HIVEP2: variants seen among roughly 807,000 people sequenced by gnomAD.
HIVEP2 encodes the protein transcription factor HIVEP2.
A neutral mutation model predicts 180.7 loss-of-function variants in HIVEP2; 14 were observed. The observed-to-expected ratio is 0.08, with a 90% confidence interval of 0.05 to 0.12. The LOEUF is 0.12. Among genes scored for constraint, HIVEP2 ranks in the 10% least tolerant of loss-of-function variants. HIVEP2 has a pLI of 1.00. For synonymous variants in HIVEP2, 1,184 were observed against 1,136.4 expected, an observed-to-expected ratio of 1.04 and a Z score of -0.84; for missense variants, 2,579 against 3,008.5, an observed-to-expected ratio of 0.86 and a Z score of 3.34.
chr6:142,910,870 T>A (rs1777385525), intron 1 of HIVEP2, among the ~76,000 whole-genome samples: 1 of 152,202 alleles, frequency 6.6e-6, no homozygotes, highest in South Asian at 2.1e-4. Context: ...GGGGCCTGAA[T>A]TTTTTAACGC....
rs755713862 is a variant in HIVEP2, at chr6:142,771,005, G to C, written c.3734C>G (p.Pro1245Arg). 6.2e-7 allele frequency: 1 copy of C among 1,614,192 alleles called. No homozygotes were observed. The highest frequency in any genetic ancestry group is 1.3e-5 in the African/African-American group (1 of 75,040). The change falls in exon 5 of 10, where the codon CCC becomes CGC. Residue 1245 changes from proline to arginine, a missense_variant. Pro to Arg is a moderately radical substitution (Grantham distance 103). Transcript: ENST00000367603. This position sits in a 1 kb window ranked among gnomAD's most constrained non-coding sequence, Gnocchi z 5.4. ...CGAATGGATTTCTGTCTGAAAAGAGGGCTTGCCATAGCTCTTCTGAGGGTG... is the reference window on the plus strand; with the variant it reads ...CGAATGGATTTCTGTCTGAAAAGAGCGCTTGCCATAGCTCTTCTGAGGGTG... ...AQHPQKSYGK[P>R]SFQTEIHSSY...
At chr6:142,851,846 A>G (rs1775687704) in intron 1 of HIVEP2, among the ~76,000 whole-genome samples, 1 of 152,228 alleles carries the variant, frequency 6.6e-6, no homozygotes, top group South Asian at 2.1e-4. Context: ...TCACTATTTG[A>G]GCTGGTATGA....
At chr6:142,886,134 T>C (rs1776692541) in intron 1 of HIVEP2, among the ~76,000 whole-genome samples, 1 of 152,212 alleles carries the variant, frequency 6.6e-6, no homozygotes, top group Non-Finnish European at 1.5e-5. Flanking sequence ...TTTACAGAAA[T>C]AATTACCACA....
intron 1 of HIVEP2, among the ~76,000 whole-genome samples, chr6:142,937,868 C>G (rs1178723386): frequency 6.6e-6 from 1 of 152,108 alleles, no homozygotes. Flanking sequence ...GGCTAAGTGA[C>G]GTAATGTGGA....
chr6:142,918,222 T>A (rs1034693073), intron 1 of HIVEP2, among the ~76,000 whole-genome samples: 3 of 151,200 alleles, frequency 2.0e-5, no homozygotes, highest in Admixed American at 6.6e-5. Flanking sequence ...TTTATTTATT[T>A]ATCAATAGAG....
intron 1 of HIVEP2, among the ~76,000 whole-genome samples, chr6:142,879,833 C>T (rs544908936): frequency 1.7e-4 from 26 of 152,232 alleles, no homozygotes; most frequent in African/African-American, 6.3e-4. Context: ...AGGCTGCGTT[C>T]TGTTTCCCTG....
intron 2 of HIVEP2, among the ~76,000 whole-genome samples, chr6:142,820,755 G>A (rs1316471369): frequency 2.6e-5 from 4 of 151,732 alleles, no homozygotes; most frequent in African/African-American, 9.7e-5. Context: ...GTGCATGCCT[G>A]GCAAAAACAA....
At chr6:142,809,954 A>T (rs1300485879) in intron 2 of HIVEP2, among the ~76,000 whole-genome samples, 1 of 152,148 alleles carries the variant, frequency 6.6e-6, no homozygotes, top group Non-Finnish European at 1.5e-5. Flanking sequence ...AACCCAGGAT[A>T]TGTTGCTAAA....
intron 3 of HIVEP2, among the ~76,000 whole-genome samples, chr6:142,782,483 T>A (rs1280997654): frequency 6.6e-6 from 1 of 152,184 alleles, no homozygotes; most frequent in Non-Finnish European, 1.5e-5. Context: ...TCCAGCTGAA[T>A]AAAGACTTAT....
chr6:142,822,489 T>C (rs1309273366), intron 2 of HIVEP2, among the ~76,000 whole-genome samples: 1 of 152,234 alleles, frequency 6.6e-6, no homozygotes, highest in East Asian at 1.9e-4. Context: ...CTGTCTGTGA[T>C]TTCTATTGGT....
intron 6 of HIVEP2, among the ~76,000 whole-genome samples, chr6:142,765,912 T>C (rs1039713422): frequency 1.3e-5 from 2 of 152,214 alleles, no homozygotes; most frequent in Non-Finnish European, 2.9e-5. Flanking sequence ...AAGTCAAAGC[T>C]AGGCTAGAAT....
At chr6:142,832,643 T>C (rs1268245206) in intron 2 of HIVEP2, among the ~76,000 whole-genome samples, 3 of 152,132 alleles carry the variant, frequency 2.0e-5, no homozygotes, top group Non-Finnish European at 2.9e-5. Context: ...GATTCAAACA[T>C]AAAATAAAGA....
intron 1 of HIVEP2, among the ~76,000 whole-genome samples, chr6:142,849,349 C>T (rs768452994): frequency 6.6e-6 from 1 of 152,082 alleles, no homozygotes; most frequent in Non-Finnish European, 1.5e-5. Context: ...GAAATATATT[C>T]GGTTTTAGAG....
intron 2 of HIVEP2, chr6:142,788,227 C>A (rs1490646528): frequency 1.3e-5 from 2 of 152,016 alleles, no homozygotes; most frequent in Non-Finnish European, 2.9e-5. Context: ...TTAATGGGTG[C>A]AGCACACCAA....
In HIVEP2 at chr6:142,774,025, T is replaced by A. The variant is rs374360951; in HGVS notation, c.714A>T (p.Ser238=). The change falls in exon 5 of 10, where the codon TCA becomes TCT. Residue 238 remains serine (S), a synonymous_variant. Coordinates refer to ENST00000367603, the MANE Select transcript of HIVEP2 (RefSeq NM_006734.4). The surrounding 1 kb of genome is among the most constrained non-coding windows in gnomAD (Gnocchi z 5.1). ...TKSNLYKHRK[S]HAHAIKAGLV... ...ATCCTGCCTTAATTGCATGGGCATG[T>A]GACTTCCTGTGCTTGTACAAATTGC... 136 of 1,614,140 alleles carry A rather than the reference T, an allele frequency of 8.4e-5. No homozygotes were observed. Among genetic ancestry groups the A allele is most frequent in the Non-Finnish European group, 1.1e-4 (128 of 1,180,058 alleles).
At chr6:142,890,286 T>C (rs1182827080) in intron 1 of HIVEP2, among the ~76,000 whole-genome samples, 1 of 152,244 alleles carries the variant, frequency 6.6e-6, no homozygotes, top group Non-Finnish European at 1.5e-5. Flanking sequence ...CAGAGTTCCA[T>C]AGAGAATCTT....
Position 142,771,097 on chromosome 6 carries a change from A to G in HIVEP2, c.3642T>C (p.Cys1214=), listed in dbSNP as rs1775528352. 1 of 1,614,218 alleles carries G rather than the reference A, an allele frequency of 6.2e-7. No homozygotes were observed. ...GCTGCTGAGCTGGTAAATGAACCAT[A>G]CAAACTGTAGGATACTGAAACTGAA... is the stretch of plus-strand genomic sequence containing the variant. The part of the protein sequence containing the change: ...ALFQFQYPTV[C]MVHLPAQQPP... Residue 1214 remains cysteine, a synonymous_variant, in exon 5 of 10, where the codon TGT becomes TGC. Transcript: ENST00000367603. This position sits in a 1 kb window ranked among gnomAD's most constrained non-coding sequence, Gnocchi z 5.4.
chr6:142,814,843 A>G (rs947855672), intron 2 of HIVEP2, among the ~76,000 whole-genome samples: 1 of 152,204 alleles, frequency 6.6e-6, no homozygotes, highest in Admixed American at 6.5e-5. Flanking sequence ...CAGTCTTTGC[A>G]AAGTATATGG....
At chr6:142,873,174 A>G (rs1776338447) in intron 1 of HIVEP2, among the ~76,000 whole-genome samples, 1 of 152,230 alleles carries the variant, frequency 6.6e-6, no homozygotes, top group Admixed American at 6.5e-5. Flanking sequence ...AACACTCAGC[A>G]GTATATGTAC....
Sources: allele counts gnomAD v4.1 joint callset (sites outside exome capture counted in the v4.1 genomes callset), GRCh38; gene constraint gnomAD v4.1.1; non-coding constraint Gnocchi (gnomAD v3.1); transcripts MANE v1.5; gene names NCBI Gene and HGNC (gene_info 2026-07-23, HGNC 2026-07-21).